Variants in ITPRID2 observed in about 807,000 individuals in gnomAD.
The protein encoded by ITPRID2 is protein ITPRID2.
In ITPRID2, 60 loss-of-function variants were observed where a neutral mutation model predicts 124.3. The ratio of observed to expected loss-of-function variants is 0.48; its 90% confidence interval spans 0.39 to 0.60. ITPRID2 has a LOEUF of 0.60. Among genes scored for constraint, ITPRID2 ranks in the 20% least tolerant of loss-of-function variants. The probability of loss-of-function intolerance (pLI) is 0.00; values close to 1 mark genes in which losing one functional copy is unlikely to be tolerated. For synonymous variants in ITPRID2, 521 were observed against 542.9 expected (o/e 0.96, Z 0.56); for missense variants, 1,553 against 1,512.2 (o/e 1.03, Z -0.45).
At position 181,896,842 on chromosome 2, in the gene ITPRID2, C is replaced by T. The variant is rs1692243738; in HGVS notation, c.308-66C>T. 4.7e-6 allele frequency: 6 copies of T among 1,268,068 alleles called. No individual in the cohort carries two copies. The highest frequency in any genetic ancestry group is 3.8e-4 in the Middle Eastern group (2 of 5,324). 78.6% of individuals were successfully genotyped at this position (1,268,068 alleles called of 1,614,324 possible). A position where few individuals can be genotyped will look rare whatever the true frequency, so the allele number is the denominator to read the frequency against. On this transcript the variant is annotated intron_variant, in intron 3 of 17. Coordinates refer to ENST00000431877, the MANE Select transcript of ITPRID2 (RefSeq NM_001130445.3). This position sits in a 1 kb window ranked among gnomAD's most constrained non-coding sequence, Gnocchi z 4.3. ...TTTTGCTGGGTGAATTTAACTAAAACAGTGATTTTATATGAGGGTGGAGAG... is the reference window on the plus strand; with the variant it reads ...TTTTGCTGGGTGAATTTAACTAAAATAGTGATTTTATATGAGGGTGGAGAG...
intron 13 of ITPRID2, 89 bp downstream of exon 13, chr2:181,918,971 C>G (rs1025852798): frequency 1.3e-6 from 2 of 1,493,800 alleles, no homozygotes; most frequent in East Asian, 2.3e-5. Context: ...GGTTTTGATT[C>G]TACTGCTGTG....
Position 181,909,985 on chromosome 2 carries a change from T to C in ITPRID2, c.1486+14T>C. ...AGTCGAAAAGAGGTAAGTGGACCAGTATCCACTAGTTCTGAGCACATTATC... is the reference window on the plus strand; with the variant it reads ...AGTCGAAAAGAGGTAAGTGGACCAGCATCCACTAGTTCTGAGCACATTATC... On this transcript the variant is annotated intron_variant, in intron 9 of 17. Transcript: ENST00000431877. 1 of 1,589,134 alleles carries C rather than the reference T, an allele frequency of 6.3e-7. No homozygotes were observed. Among genetic ancestry groups the C allele is most frequent in the South Asian group, 1.1e-5 (1 of 90,300 alleles).
At chr2:181,911,860 A>G (rs954207618) in intron 9 of ITPRID2, among the ~76,000 whole-genome samples, 10 of 152,210 alleles carry the variant, frequency 6.6e-5, no homozygotes, top group African/African-American at 2.4e-4. Flanking sequence ...ATGACGAGAA[A>G]CACAGCAAGA....
chr2:181,892,098 C>T lies in ITPRID2; in HGVS notation c.32C>T (p.Ala11Val), dbSNP rs1691746669. 2 of 1,556,530 alleles carry T rather than the reference C, an allele frequency of 1.3e-6. No homozygotes were observed. Among genetic ancestry groups the T allele is most frequent in the Non-Finnish European group, 1.7e-6 (2 of 1,151,238 alleles). MDRPLSSSAE[A>V]EEELEWQVAS... ...CGGCCCCTGTCGTCGTCGGCGGAGG[C>T]GGAGGAGGAACTGGAGTGGCAAGTG... Residue 11 changes from alanine (A) to valine (V), a missense_variant, in exon 1 of 18, where the codon GCG (alanine) becomes GTG (valine). Ala to Val is a moderately conservative substitution (Grantham distance 64). Coordinates refer to ENST00000431877, the MANE Select transcript of ITPRID2 (RefSeq NM_001130445.3). This position sits in a 1 kb window ranked among gnomAD's most constrained non-coding sequence, Gnocchi z 5.2.
At chr2:181,895,727 TTC>T (rs899458002) in intron 2 of ITPRID2, among the ~76,000 whole-genome samples, 1 of 152,060 alleles carries the variant, frequency 6.6e-6, no homozygotes, top group African/African-American at 2.4e-5. Flanking sequence ...TTGTCAGTCA[TTC>T]TCTCTTTTTT....
chr2:181,918,908 A>T (rs369073789), intron 13 of ITPRID2, 26 bp downstream of exon 13: 2 of 1,602,800 alleles, frequency 1.2e-6, no homozygotes, highest in African/African-American at 2.7e-5. Context: ...GTCTTAGCAC[A>T]CCTCAAAAAG....
chr2:181,892,052 GC>G lies in ITPRID2; in HGVS notation c.-10del. On this transcript the variant is annotated 5_prime_UTR_variant, in exon 1 of 18. Transcript: ENST00000431877. This position sits in a 1 kb window ranked among gnomAD's most constrained non-coding sequence, Gnocchi z 5.2. Reference sequence around the variant, plus strand: ...CGCAGGGTCCGGCTGGGGTAGCGGAGCCCCCAGTGCGGCCATGGACCGGCCC... The same window carrying G: ...CGCAGGGTCCGGCTGGGGTAGCGGAGCCCCAGTGCGGCCATGGACCGGCCC... 1 of 1,547,726 alleles carries G rather than the reference GC, an allele frequency of 6.5e-7. No homozygotes were observed. Among genetic ancestry groups the G allele is most frequent in the Non-Finnish European group, 8.7e-7 (1 of 1,146,490 alleles).
At position 181,896,125 on chromosome 2, in the gene ITPRID2, ACTT is replaced by A. The variant is rs779464554; in HGVS notation, c.307+50_307+52del. The A allele has an allele frequency of 6.2e-5, 94 of 1,512,162 alleles. No homozygotes were observed. The Middle Eastern group carries it at 2.2e-3, about 36-fold the overall frequency. 93.7% of individuals were successfully genotyped at this position (1,512,162 alleles called of 1,614,324 possible). A position where few individuals can be genotyped will look rare whatever the true frequency, so the allele number is the denominator to read the frequency against. On this transcript the variant is annotated intron_variant, in intron 3 of 17. Transcript: ENST00000431877. This position sits in a 1 kb window ranked among gnomAD's most constrained non-coding sequence, Gnocchi z 4.3. Reference sequence around the variant, plus strand: ...TAAATCTGTTCTTTATGACAGTTCTACTTCTTTGTCCTCTGGGTAAAAGTGTAT... The same window carrying A: ...TAAATCTGTTCTTTATGACAGTTCTACTTTGTCCTCTGGGTAAAAGTGTAT...
chr2:181,919,848 T>TAAA lies in ITPRID2; in HGVS notation c.3144+403_3144+405dup, dbSNP rs1360258850. 6.6e-6 allele frequency among the ~76,000 whole-genome samples: 1 copy of TAAA among 152,096 alleles called. No homozygotes were observed. The highest frequency in any genetic ancestry group is 2.4e-5 in the African/African-American group (1 of 41,452). On this transcript the variant is annotated intron_variant, in intron 14 of 17. Coordinates refer to ENST00000431877, the MANE Select transcript of ITPRID2 (RefSeq NM_001130445.3). The surrounding 1 kb of genome is among the most constrained non-coding windows in gnomAD (Gnocchi z 4.2). ...CCTTTAAATAAAAAAGTGTTCCTTT[T>TAAA]AAACTTTTTCTTTATTTTGGATTCT...
rs527860723 is a variant in ITPRID2 at position 181,910,342 on chromosome 2, A to G, written c.1486+371A>G. Reference sequence around the variant, plus strand: ...TTATCTATCTTTGGTGTTTCACTATATAAATATAGCTCCTAGGTATAACAC... The same window carrying G: ...TTATCTATCTTTGGTGTTTCACTATGTAAATATAGCTCCTAGGTATAACAC... On this transcript the variant is annotated intron_variant, in intron 9 of 17. Coordinates refer to ENST00000431877, the MANE Select transcript of ITPRID2 (RefSeq NM_001130445.3). This position sits in a 1 kb window ranked among gnomAD's most constrained non-coding sequence, Gnocchi z 4.1. Among the ~76,000 whole-genome samples, 2 of 152,314 alleles carry G rather than the reference A, an allele frequency of 1.3e-5. No individual in the cohort carries two copies. Among genetic ancestry groups the G allele is most frequent in the South Asian group, 2.1e-4 (1 of 4,826 alleles).
At chr2:181,906,284 A>T (rs1693107187) in intron 8 of ITPRID2, among the ~76,000 whole-genome samples, 1 of 152,124 alleles carries the variant, frequency 6.6e-6, no homozygotes, top group Admixed American at 6.5e-5. Context: ...AGTGCTTCAC[A>T]GGGGGAAGGA....
rs1219482734 is a variant in ITPRID2 at position 181,929,549 on chromosome 2, T to C, written c.*14-12T>C. 6.3e-7 allele frequency: 1 copy of C among 1,599,794 alleles called. No homozygotes were observed. The highest frequency in any genetic ancestry group is 1.3e-5 in the African/African-American group (1 of 74,434). Reference sequence around the variant, plus strand: ...AAGAGGTTTAAAACTGACTTCTCTTTTCTTTTTTAAGGTTGGCATGGATCC... The same window carrying C: ...AAGAGGTTTAAAACTGACTTCTCTTCTCTTTTTTAAGGTTGGCATGGATCC... On this transcript the variant is annotated splice_polypyrimidine_tract_variant and intron_variant, in intron 17 of 17. Transcript: ENST00000431877.
In ITPRID2 at chr2:181,892,318, C is replaced by T. The variant is rs545746919; in HGVS notation, c.211+41C>T. 1,526 of 1,512,506 alleles carry T rather than the reference C, an allele frequency of 1.0e-3. 16 individuals carry two copies. In the African/African-American group the frequency reaches 0.019, roughly 18 times the overall value. 93.7% of individuals were successfully genotyped at this position (1,512,506 alleles called of 1,614,324 possible). A position where few individuals can be genotyped will look rare whatever the true frequency, so the allele number is the denominator to read the frequency against. On this transcript the variant is annotated intron_variant, in intron 1 of 17. Transcript: ENST00000431877. The surrounding 1 kb of genome is among the most constrained non-coding windows in gnomAD (Gnocchi z 5.2). ...CGGGCTCCGGGGGGAGGCTGGTGGG[C>T]TGGGGAGAGTCTCGTGCGCCCTGGG...
intron 9 of ITPRID2, among the ~76,000 whole-genome samples, chr2:181,911,224 T>C (rs1693578536): frequency 6.6e-6 from 1 of 152,212 alleles, no homozygotes; most frequent in Non-Finnish European, 1.5e-5. Context: ...AAAAGTATCC[T>C]ATATCCTATG....
Position 181,929,665 on chromosome 2 carries a change from A to G in ITPRID2, c.*118A>G, listed in dbSNP as rs771808548. The G allele has an allele frequency of 1.5e-5, 24 of 1,591,052 alleles. No homozygotes were observed. The highest frequency in any genetic ancestry group is 3.3e-5 in the Admixed American group (2 of 59,784). On this transcript the variant is annotated 3_prime_UTR_variant, in exon 18 of 18. Transcript: ENST00000431877. ...AAGATACTTGCTGTTGAGCTGGGCT[A>G]CTGTATACAGTGTACAATGTGTATT...
In ITPRID2 at chr2:181,911,468, T is replaced by A. The variant is rs189454943; in HGVS notation, c.1486+1497T>A. Among the ~76,000 whole-genome samples, 791 of 152,350 alleles carry A rather than the reference T, an allele frequency of 5.2e-3. 8 individuals are homozygous for A. The highest frequency in any genetic ancestry group is 0.018 in the African/African-American group (751 of 41,584). On this transcript the variant is annotated intron_variant, in intron 9 of 17. Transcript: ENST00000431877. ...TATGTTGAGAAAAGTTCAACATTTT[T>A]CTTATTAAAGAAGACATACAATATT...
chr2:181,916,116 G>A lies in ITPRID2; in HGVS notation c.2476G>A (p.Gly826Arg). Reference protein sequence around the residue: ...EAPRVEECHHGRTPTCSRLAP... With the variant: ...EAPRVEECHHRRTPTCSRLAP... ...GCCGCGGGTGGAGGAATGCCATCAT[G>A]GAAGGACTCCTACCTGTTCACGGCT... The change falls in exon 11 of 18, where the codon GGA becomes AGA. Residue 826 changes from glycine (G) to arginine (R), a missense_variant. Coordinates refer to ENST00000431877, the MANE Select transcript of ITPRID2 (RefSeq NM_001130445.3). 6.2e-7 allele frequency: 1 copy of A among 1,614,210 alleles called. No individual in the cohort carries two copies. The highest frequency in any genetic ancestry group is 8.5e-7 in the Non-Finnish European group (1 of 1,180,038).
rs1695159991 is a variant in ITPRID2, at chr2:181,929,906, T to TA, written c.*363dup. 3 of 265,066 alleles carry TA rather than the reference T, an allele frequency of 1.1e-5. No homozygotes were observed. The South Asian group carries it at 3.4e-4, about 30-fold the overall frequency. The allele number at this position is 265,066 out of a possible 1,614,324, so 16.4% of individuals were successfully genotyped here. ...AACATATTTCTTCAGACTAACATCT[T>TA]AAAACACTGACCTCTATGAGGTATT... On this transcript the variant is annotated 3_prime_UTR_variant, in exon 18 of 18. Transcript: ENST00000431877.
At chr2:181,903,840 T>C (rs996651989) in intron 8 of ITPRID2, among the ~76,000 whole-genome samples, 1 of 152,216 alleles carries the variant, frequency 6.6e-6, no homozygotes, top group African/African-American at 2.4e-5. Flanking sequence ...TTTGACTTTG[T>C]TTTGGTCTAA....
Sources: gnomAD v4.1 joint callset for allele counts (sites outside exome capture counted in the v4.1 genomes callset) on GRCh38, gnomAD v4.1.1 for gene constraint, Gnocchi (gnomAD v3.1) non-coding constraint, MANE v1.5 for transcripts, NCBI Gene and HGNC (gene_info 2026-07-23, HGNC 2026-07-21) for gene names.